The following RHOBTB3 variants were observed in gnomAD, a reference collection of about 807,000 sequenced individuals.
The protein encoded by RHOBTB3 is Rho related BTB domain containing 3.
A neutral mutation model predicts 67.2 loss-of-function variants in RHOBTB3; 47 were observed. The observed-to-expected ratio is 0.70, with a 90% CI of 0.55 to 0.89. RHOBTB3 has a LOEUF of 0.89. Ranked by LOEUF, RHOBTB3 falls within the 40% of genes least tolerant of loss-of-function variation. The pLI is 0.00. For missense variants in RHOBTB3, 631 were observed against 750.0 expected (o/e 0.84, Z 1.85); for synonymous variants, 273 against 274.2 (o/e 1.00, Z 0.04).
intron 11 of RHOBTB3, among the ~76,000 whole-genome samples, chr5:95,792,388 G>GAAAAA (rs752562205): frequency 4.8e-5 from 4 of 83,632 alleles, no homozygotes; most frequent in Non-Finnish European, 9.1e-5. Flanking sequence ...CTCCGTCTCA[G>GAAAAA]AAAAAAAAAA....
At chr5:95,780,800 G>T (rs1482411428) in intron 9 of RHOBTB3, among the ~76,000 whole-genome samples, 3 of 152,124 alleles carry the variant, frequency 2.0e-5, no homozygotes, top group Non-Finnish European at 4.4e-5. Context: ...AGAAGAGGAG[G>T]GTTGCGCAAC....
intron 3 of RHOBTB3, 91 bp from the exon 4 acceptor site, chr5:95,748,242 A>G: frequency 1.1e-6 from 1 of 887,510 alleles, no homozygotes; most frequent in Non-Finnish European, 1.7e-6. Flanking sequence ...CTCTAGTATG[A>G]GCTCTTTGTT....
chr5:95,747,272 C>A (rs1744949286), intron 3 of RHOBTB3, among the ~76,000 whole-genome samples: 1 of 152,196 alleles, frequency 6.6e-6, no homozygotes, highest in South Asian at 2.1e-4. Context: ...CCTGTAGGAT[C>A]AGCTTTGGTC....
intron 4 of RHOBTB3, among the ~76,000 whole-genome samples, chr5:95,749,488 A>T (rs980782986): frequency 1.3e-5 from 2 of 152,228 alleles, no homozygotes; most frequent in South Asian, 2.1e-4. Flanking sequence ...TAATATTACA[A>T]TGTTAAAGAA....
intron 2 of RHOBTB3, among the ~76,000 whole-genome samples, chr5:95,735,532 C>G (rs151039020): frequency 4.3e-4 from 65 of 152,320 alleles, no homozygotes; most frequent in African/African-American, 1.5e-3. Context: ...CTGATTCAAA[C>G]ACTGTTAACC....
intron 10 of RHOBTB3, among the ~76,000 whole-genome samples, chr5:95,785,639 G>T (rs755941515): frequency 6.6e-6 from 1 of 151,306 alleles, no homozygotes; most frequent in Non-Finnish European, 1.5e-5. Flanking sequence ...TTTGTAAAAC[G>T]TTTACATTCA....
intron 1 of RHOBTB3, among the ~76,000 whole-genome samples, chr5:95,718,047 G>C (rs1414244463): frequency 6.6e-6 from 1 of 152,198 alleles, no homozygotes; most frequent in Non-Finnish European, 1.5e-5. Context: ...GAGCAATTTT[G>C]TAGCATTTAA....
At chr5:95,772,931 A>G (rs561035498) in intron 8 of RHOBTB3, among the ~76,000 whole-genome samples, 30 of 152,344 alleles carry the variant, frequency 2.0e-4, no homozygotes, top group African/African-American at 6.5e-4. Context: ...AGTAAATTGA[A>G]TATGAATGCC....
At chr5:95,770,665 G>T in intron 8 of RHOBTB3, 1 of 493,208 alleles carries the variant, frequency 2.0e-6, no homozygotes. Context: ...GAAGGACCCT[G>T]GAATGGGTGC....
rs979813207 is a variant in RHOBTB3, at chr5:95,731,445, C to T, written c.-238C>T. On this transcript the variant is annotated 5_prime_UTR_variant, in exon 1 of 12. Coordinates refer to ENST00000379982, the MANE Select transcript of RHOBTB3 (RefSeq NM_014899.4). ...TCCCGCGCCCGGCGATGTTCCCGGG[C>T]ACTCCCTGAGTAGCGGCAGCTTATC... The T allele has an allele frequency of 4.1e-6, 5 of 1,206,796 alleles. No individual in the cohort carries two copies. Among genetic ancestry groups the T allele is most frequent in the Non-Finnish European group, 5.1e-6 (5 of 975,104 alleles). 74.8% of individuals were successfully genotyped at this position (1,206,796 alleles called of 1,614,324 possible). A position where few individuals can be genotyped will look rare whatever the true frequency, so the allele number is the denominator to read the frequency against.
At chr5:95,789,019 G>C in intron 11 of RHOBTB3, 161 bp downstream of exon 11, 1 of 535,802 alleles carries the variant, frequency 1.9e-6, no homozygotes. Context: ...ACAATTTATA[G>C]TCACCTGTGT....
At chr5:95,757,610 A>G (rs1362392253) in intron 6 of RHOBTB3, among the ~76,000 whole-genome samples, 4 of 152,250 alleles carry the variant, frequency 2.6e-5, no homozygotes, top group Non-Finnish European at 5.9e-5. Context: ...GTGGTCATGT[A>G]ATTTTATAAG....
At chr5:95,723,565 T>A (rs1345275848) in intron 1 of RHOBTB3, among the ~76,000 whole-genome samples, 1 of 152,246 alleles carries the variant, frequency 6.6e-6, no homozygotes, top group Non-Finnish European at 1.5e-5. Flanking sequence ...TTTGTTTTTT[T>A]AAAAAGCTAA....
chr5:95,770,053 C>G, intron 8 of RHOBTB3: 1 of 349,290 alleles, frequency 2.9e-6, no homozygotes, highest in Non-Finnish European at 5.8e-6. Flanking sequence ...TTGGAGAGGT[C>G]ATTGGGACCA....
Position 95,780,430 on chromosome 5 carries a change from G to A in RHOBTB3, c.1456+5G>A. On this transcript the variant is annotated splice_donor_5th_base_variant and intron_variant, in intron 9 of 11. Transcript: ENST00000379982. ...ACACAGACTCCTGCTGCCCAGGTTA[G>A]CAATACAAATGTTGATAGTATCTCA... 4.3e-6 allele frequency: 7 copies of A among 1,612,524 alleles called. No individual in the cohort carries two copies. Among genetic ancestry groups the A allele is most frequent in the Non-Finnish European group, 5.9e-6 (7 of 1,178,614 alleles).
In RHOBTB3 at chr5:95,731,649, T is replaced by C. The variant is rs376364377; in HGVS notation, c.-34T>C. The stretch of plus-strand genomic sequence containing the variant: ...GCGAAGCCGTGAGCCGCTGCTTTTC[T>C]CCGAGTCGCCGCCCTGCCCTTGGAT... On this transcript the variant is annotated 5_prime_UTR_variant, in exon 1 of 12. Coordinates refer to ENST00000379982, the MANE Select transcript of RHOBTB3 (RefSeq NM_014899.4). The C allele has an allele frequency of 3.7e-6, 6 of 1,612,674 alleles. No homozygotes were observed. The African/African-American group carries it at 4.0e-5, about 11-fold the overall frequency.
At chr5:95,748,057 G>C (rs1040383227) in intron 3 of RHOBTB3, among the ~76,000 whole-genome samples, 4 of 152,164 alleles carry the variant, frequency 2.6e-5, no homozygotes, top group Non-Finnish European at 5.9e-5. Context: ...AAAAGAAGCA[G>C]GCCCACGAGT....
In RHOBTB3 at chr5:95,731,611, G is replaced by C. The variant is rs1178853266; in HGVS notation, c.-72G>C. 2 of 1,599,806 alleles carry C rather than the reference G, an allele frequency of 1.3e-6. No individual in the cohort carries two copies. Among genetic ancestry groups the C allele is most frequent in the Admixed American group, 1.7e-5 (1 of 58,326 alleles). On this transcript the variant is annotated 5_prime_UTR_variant, in exon 1 of 12. Coordinates refer to ENST00000379982, the MANE Select transcript of RHOBTB3 (RefSeq NM_014899.4). ...TGAGCGGATTGCGGGTGAACTCGCC[G>C]CCCGGGGGCCCCGCGAAGCCGTGAG...
Position 95,756,003 on chromosome 5 carries a change from A to G in RHOBTB3, c.1048+242A>G, listed in dbSNP as rs1745234702. ...ATTTCATTTTATTGTGGTAAAATAC[A>G]TAGAACATAAATTTTACCATCTTAA... On this transcript the variant is annotated intron_variant, in intron 6 of 11. Coordinates refer to ENST00000379982, the MANE Select transcript of RHOBTB3 (RefSeq NM_014899.4). 5 of 454,172 alleles carry G rather than the reference A, an allele frequency of 1.1e-5. No homozygotes were observed. The South Asian group carries it at 1.8e-4, about 16-fold the overall frequency. The allele number at this position is 454,172 out of a possible 1,614,324, so 28.1% of individuals were successfully genotyped here. A position where few individuals can be genotyped will look rare whatever the true frequency, so the allele number is the denominator to read the frequency against.
Sources: gnomAD v4.1 joint callset for allele counts (sites outside exome capture counted in the v4.1 genomes callset) on GRCh38, gnomAD v4.1.1 for gene constraint, MANE v1.5 for transcripts, NCBI Gene and HGNC (gene_info 2026-07-23, HGNC 2026-07-21) for gene names.